FRY: variants seen among roughly 807,000 people sequenced by gnomAD.
FRY encodes the protein FRY microtubule binding protein.
A neutral mutation model predicts 348.4 loss-of-function variants in FRY; 128 were observed. The observed-to-expected ratio is 0.37, with a 90% CI of 0.32 to 0.43. FRY has a LOEUF of 0.43. Among genes scored for constraint, FRY ranks in the 20% least tolerant of loss-of-function variants. The pLI, the probability that FRY is intolerant of heterozygous loss-of-function variation, is 1.00. For missense variants in FRY, 2,736 were observed against 3,695.2 expected, an observed-to-expected ratio of 0.74 and a Z score of 6.73; for synonymous variants, 1,370 against 1,374.7, an observed-to-expected ratio of 1.00 and a Z score of 0.08.
intron 41 of FRY, among the ~76,000 whole-genome samples, chr13:32,232,690 A>G (rs921478439): frequency 2.0e-5 from 3 of 152,196 alleles, no homozygotes; most frequent in Admixed American, 6.5e-5. Flanking sequence ...CCAGGCTTAA[A>G]TGGGGTATCC....
At position 32,147,942 on chromosome 13, in the gene FRY, G is replaced by T. The variant is rs1880556309; in HGVS notation, c.1387G>T (p.Ala463Ser). The change falls in exon 13 of 61, where the codon GCC (alanine) becomes TCC (serine). Residue 463 changes from alanine to serine, a missense_variant. This residue lies in a region of FRY where 191 missense variants were observed against 370.2 expected (regional missense o/e 0.52). Transcript: ENST00000542859. ...NIFVKIIQFI[A>S]QERLDFAMKE... ...CTTTGTGAAAATCATCCAGTTCATT[G>T]CCCAGGTAATGGAGAAGATTCCGGT... is the stretch of plus-strand genomic sequence containing the variant. 1.9e-6 allele frequency: 3 copies of T among 1,553,688 alleles called. No homozygotes were observed. The East Asian group carries it at 6.7e-5, about 35-fold the overall frequency.
chr13:32,283,414 T>A (rs1432504760), intron 58 of FRY, among the ~76,000 whole-genome samples: 3 of 152,208 alleles, frequency 2.0e-5, no homozygotes, highest in Non-Finnish European at 4.4e-5. Flanking sequence ...GAAAAATATT[T>A]CTCTGTACCT....
At chr13:32,263,800 A>G (rs1289990060) in intron 53 of FRY, among the ~76,000 whole-genome samples, 1 of 152,194 alleles carries the variant, frequency 6.6e-6, no homozygotes, top group Non-Finnish European at 1.5e-5. Context: ...CGAGGTCAGG[A>G]GTTCAAGACC....
intron 19 of FRY, among the ~76,000 whole-genome samples, chr13:32,175,192 A>G (rs1882297270): frequency 6.6e-6 from 1 of 152,240 alleles, no homozygotes. Flanking sequence ...CTAACAAAGC[A>G]TATTCTTGCA....
At chr13:32,112,236 C>T (rs1442288412) in intron 3 of FRY, among the ~76,000 whole-genome samples, 1 of 151,660 alleles carries the variant, frequency 6.6e-6, no homozygotes. Flanking sequence ...TCATCACAGT[C>T]ATTTTTTGTC....
At chr13:32,032,647 G>A (rs755513221) in intron 1 of FRY, among the ~76,000 whole-genome samples, 7 of 152,152 alleles carry the variant, frequency 4.6e-5, no homozygotes, top group Non-Finnish European at 7.3e-5. Flanking sequence ...CCTCTAAGCT[G>A]CCGTGGATCT....
chr13:32,135,355 T>C (rs1005619780), intron 10 of FRY, among the ~76,000 whole-genome samples, 172 bp downstream of exon 10: 1 of 152,218 alleles, frequency 6.6e-6, no homozygotes, highest in Admixed American at 6.5e-5. Flanking sequence ...TTGACCATGA[T>C]TGAATGATAT....
rs1473605218 is a variant in FRY at position 32,239,558 on chromosome 13, GA to G, written c.6517-149del. On this transcript the variant is annotated intron_variant, in intron 45 of 60. Coordinates refer to ENST00000542859, the MANE Select transcript of FRY (RefSeq NM_023037.3). This position sits in a 1 kb window ranked among gnomAD's most constrained non-coding sequence, Gnocchi z 4.3. ...GAGAATGCAGGTGGGAAGAATTTGT[GA>G]AAATTATATTAGCCAAGCTAAGTAT... Among the ~76,000 whole-genome samples the G allele has an allele frequency of 6.6e-6, 1 of 152,196 alleles. No individual in the cohort carries two copies. Among genetic ancestry groups the G allele is most frequent in the African/African-American group, 2.4e-5 (1 of 41,438 alleles).
In FRY at chr13:32,134,886, T is replaced by C. The variant is rs1351459914; in HGVS notation, c.886-18T>C. 6.6e-7 allele frequency: 1 copy of C among 1,517,422 alleles called. No homozygotes were observed. The highest frequency in any genetic ancestry group is 1.1e-5 in the South Asian group (1 of 89,176). The allele number at this position is 1,517,422 out of a possible 1,614,324, so 94.0% of individuals were successfully genotyped here. A position where few individuals can be genotyped will look rare whatever the true frequency, so the allele number is the denominator to read the frequency against. ...TTCAACCTACTCTCCCTCCCTATAC[T>C]CTTTTTCTGCTTCCCAGGAATGTGC... On this transcript the variant is annotated intron_variant, in intron 8 of 60. Coordinates refer to ENST00000542859, the MANE Select transcript of FRY (RefSeq NM_023037.3).
chr13:32,254,203 G>T lies in FRY; in HGVS notation c.7246-21G>T, dbSNP rs768980230. 4 of 1,613,222 alleles carry T rather than the reference G, an allele frequency of 2.5e-6. No individual in the cohort carries two copies. The South Asian group carries it at 4.4e-5, about 18-fold the overall frequency. ...AACCAAAGGGAGAACGGTTTCTCAGGAGAGGACTCTTGATTCGCAGGTGAT... is the reference window on the plus strand; with the variant it reads ...AACCAAAGGGAGAACGGTTTCTCAGTAGAGGACTCTTGATTCGCAGGTGAT... On this transcript the variant is annotated intron_variant, in intron 50 of 60. Transcript: ENST00000542859.
chr13:32,285,671 A>G lies in FRY; in HGVS notation c.8470-3962A>G, dbSNP rs527705200. ...CCGTTTTCTTCACACAAGACCTTGT[A>G]ATTTACTCAGCACTTGCTTCATTTC... is the stretch of plus-strand genomic sequence containing the variant. On this transcript the variant is annotated intron_variant, in intron 58 of 60. Transcript: ENST00000542859. 1.4e-4 allele frequency among the ~76,000 whole-genome samples: 21 copies of G among 152,362 alleles called. 1 individual carries two copies. The highest frequency in any genetic ancestry group is 1.0e-3 in the Admixed American group (16 of 15,300).
chr13:32,286,881 C>T (rs1332622042), intron 58 of FRY, among the ~76,000 whole-genome samples: 1 of 150,038 alleles, frequency 6.7e-6, no homozygotes, highest in Admixed American at 6.6e-5. Context: ...CTATTGAGTC[C>T]AGGCAAGGTG....
At chr13:32,098,943 G>C (rs1447129357) in intron 2 of FRY, among the ~76,000 whole-genome samples, 1 of 151,922 alleles carries the variant, frequency 6.6e-6, no homozygotes, top group African/African-American at 2.4e-5. Flanking sequence ...GATTTGTAAG[G>C]CTCTTGGTGA....
chr13:32,114,856 C>T (rs1878201713), intron 3 of FRY, among the ~76,000 whole-genome samples: 1 of 152,156 alleles, frequency 6.6e-6, no homozygotes, highest in African/African-American at 2.4e-5. Flanking sequence ...GATTAGCTTT[C>T]TTCTGAAAAG....
At position 32,296,015 on chromosome 13, in the gene FRY, A is replaced by C. The variant is rs2072056344; in HGVS notation, c.*555A>C. 1 of 164,744 alleles carries C rather than the reference A, an allele frequency of 6.1e-6. No individual in the cohort carries two copies. The highest frequency in any genetic ancestry group is 5.6e-5 in the Admixed American group (1 of 17,786). The allele number at this position is 164,744 out of a possible 1,614,324, so 10.2% of individuals were successfully genotyped here. On this transcript the variant is annotated 3_prime_UTR_variant, in exon 61 of 61. Coordinates refer to ENST00000542859, the MANE Select transcript of FRY (RefSeq NM_023037.3). ...GACAGCCTGTGTATGTGAAAAGGGA[A>C]TTGTAAATGGACTGCAATGTAATGT... is the stretch of plus-strand genomic sequence containing the variant.
Position 32,178,970 on chromosome 13 carries a change from A to C in FRY, c.2808A>C (p.Leu936Phe). 6.2e-7 allele frequency: 1 copy of C among 1,613,954 alleles called. No individual in the cohort carries two copies. ...AKPSIMSPGH[L>F]RASTPEIMAT... ...CCAGTATTATGAGCCCAGGACACTT[A>C]AGAGCTTCCACTCCAGAAATAATGG... The change falls in exon 22 of 61, where the codon TTA becomes TTC. Residue 936 changes from leucine (L) to phenylalanine (F), a missense_variant. By Grantham distance (22) the Leu-to-Phe change is conservative. Around this residue, in one of 9 missense-constraint regions of FRY, gnomAD observed 449 missense variants for 576.9 expected, o/e 0.78. Coordinates refer to ENST00000542859, the MANE Select transcript of FRY (RefSeq NM_023037.3).
chr13:32,149,608 C>A lies in FRY; in HGVS notation c.1393-140C>A. ...GATGGGCATGGTCTTCCTCCAGGTTCTCTGCAAGCCACAAAACTGAGCAGT... is the reference window on the plus strand; with the variant it reads ...GATGGGCATGGTCTTCCTCCAGGTTATCTGCAAGCCACAAAACTGAGCAGT... On this transcript the variant is annotated intron_variant, in intron 13 of 60. Coordinates refer to ENST00000542859, the MANE Select transcript of FRY (RefSeq NM_023037.3). The A allele has an allele frequency of 4.5e-6, 3 of 670,630 alleles. No homozygotes were observed. In the South Asian group the frequency reaches 4.9e-5, roughly 11 times the overall value. The allele number at this position is 670,630 out of a possible 1,614,324, so 41.5% of individuals were successfully genotyped here. A position where few individuals can be genotyped will look rare whatever the true frequency, so the allele number is the denominator to read the frequency against.
At chr13:32,267,449 G>A in intron 55 of FRY, 90 bp downstream of exon 55, 1 of 1,101,110 alleles carries the variant, frequency 9.1e-7, no homozygotes, top group Non-Finnish European at 1.4e-6. Context: ...CTTCTGTTCT[G>A]GGGTTATACT....
chr13:32,038,710 T>C (rs1872640312), intron 1 of FRY: 1 of 152,188 alleles, frequency 6.6e-6, no homozygotes, highest in Non-Finnish European at 1.5e-5. Flanking sequence ...GGAGAAACAA[T>C]GGGAATGGGC....
Sources: gnomAD v4.1 joint callset for allele counts (sites outside exome capture counted in the v4.1 genomes callset) on GRCh38, gnomAD v4.1.1 for gene constraint, gnomAD v4.1.1 regional missense constraint, Gnocchi (gnomAD v3.1) non-coding constraint, MANE v1.5 for transcripts, NCBI Gene and HGNC (gene_info 2026-07-23, HGNC 2026-07-21) for gene names.